The following BBS4 variants were observed in gnomAD, a reference collection of about 807,000 sequenced individuals.
BBS4 encodes the protein BBSome complex member BBS4.
Under a neutral mutation model 71.4 loss-of-function variants are expected in BBS4, and 58 were observed. The observed-to-expected ratio is 0.81, with a 90% confidence interval of 0.66 to 1.01. The LOEUF is 1.01. Ranked by LOEUF, BBS4 falls within the 50% of genes least tolerant of loss-of-function variation. BBS4 has a pLI of 0.00. For synonymous variants in BBS4, 228 were observed against 216.8 expected (o/e 1.05, Z -0.46); for missense variants, 660 against 607.9 (o/e 1.09, Z -0.90).
chr15:72,725,798 C>CCCCCATCCCCCTTCCCCCATCCCCCTTT (rs2065669605), intron 8 of BBS4, among the ~76,000 whole-genome samples: 1 of 27,756 alleles, frequency 3.6e-5, no homozygotes, highest in Non-Finnish European at 6.8e-5. Context: ...CTTCCCTCTT[C>CCCCCATCCCCCTTCCCCCATCCCCCTTT]CCCCATCCCC....
At chr15:72,693,433 G>A (rs1199748033) in intron 1 of BBS4, among the ~76,000 whole-genome samples, 1 of 152,186 alleles carries the variant, frequency 6.6e-6, no homozygotes, top group Non-Finnish European at 1.5e-5. Flanking sequence ...AGAGAATCTA[G>A]ATCAGGTGTT....
intron 2 of BBS4, among the ~76,000 whole-genome samples, chr15:72,707,148 C>A (rs1234596998): frequency 6.6e-6 from 1 of 151,118 alleles, no homozygotes; most frequent in African/African-American, 2.4e-5. Flanking sequence ...CCTCTCTTCC[C>A]CATGCTCTTC....
chr15:72,689,780 TTTTATTTA>T (rs57141334), intron 1 of BBS4, among the ~76,000 whole-genome samples: 23,007 of 147,552 alleles, frequency 0.16, 1,912 homozygotes, highest in African/African-American at 0.17. Context: ...TTATAAATCT[TTTTATTTA>T]TTTATTTATT....
chr15:72,714,220 CT>C (rs58123834), intron 4 of BBS4, among the ~76,000 whole-genome samples: 12,819 of 98,114 alleles, frequency 0.13, 608 homozygotes, highest in African/African-American at 0.24. Flanking sequence ...CACTCACTTA[CT>C]TTTTTTTTTT....
At chr15:72,696,214 A>C (rs921625001) in intron 2 of BBS4, among the ~76,000 whole-genome samples, 1 of 152,058 alleles carries the variant, frequency 6.6e-6, no homozygotes, top group Non-Finnish European at 1.5e-5. Context: ...TGGTAAATTG[A>C]CCCGTTTGTC....
Position 72,737,545 on chromosome 15 carries a change from A to C in BBS4, c.1518A>C (p.Glu506Asp). ...CTCTGGAGCCAGAGCCTGCGGTGGA[A>C]TCAAGTCCAACTGAAACATCAGAAC... The part of the protein sequence containing the change: ...SLPLEPEPAV[E>D]SSPTETSEQI... The change falls in exon 16 of 16, where the codon GAA becomes GAC. Residue 506 changes from glutamate (E) to aspartate (D), a missense_variant. By Grantham distance (45) the Glu-to-Asp change is conservative (BLOSUM62 2). Transcript: ENST00000268057. The C allele has an allele frequency of 2.5e-6, 4 of 1,612,558 alleles. No homozygotes were observed. Among genetic ancestry groups the C allele is most frequent in the Non-Finnish European group, 3.4e-6 (4 of 1,179,396 alleles).
rs1401217681 is a variant in BBS4, at chr15:72,738,221, C to T, written c.*634C>T. ...TTCTTGAGAGGGGTCAGTCTAGAAG[C>T]TAGATCCTATCAGGATGAGGAGCAG... On this transcript the variant is annotated 3_prime_UTR_variant, in exon 16 of 16. Transcript: ENST00000268057. The T allele has an allele frequency of 1.1e-5, 5 of 453,794 alleles. No individual in the cohort carries two copies. The highest frequency in any genetic ancestry group is 9.4e-5 in the Admixed American group (4 of 42,508). 28.1% of individuals were successfully genotyped at this position (453,794 alleles called of 1,614,324 possible). A position where few individuals can be genotyped will look rare whatever the true frequency, so the allele number is the denominator to read the frequency against.
At chr15:72,737,227 A>T in intron 15 of BBS4, 1 of 612,586 alleles carries the variant, frequency 1.6e-6, no homozygotes, top group Admixed American at 2.9e-5. Flanking sequence ...GTTATTAAGT[A>T]TATCCTGTTA....
rs142913453 is a variant in BBS4, at chr15:72,733,273, C to T, written c.1036+1547C>T. On this transcript the variant is annotated intron_variant, in intron 12 of 15. Transcript: ENST00000268057. ...AGTTGGGAGTACAGCCTGGGCAACA[C>T]AGTGAGACTCCATTCCTCTCTCTTT... Among the ~76,000 whole-genome samples the T allele has an allele frequency of 2.2e-3, 342 of 152,222 alleles. 1 individual carries two copies. The highest frequency in any genetic ancestry group is 7.8e-3 in the African/African-American group (326 of 41,532).
rs1226442904 is a variant in BBS4, at chr15:72,735,172, C to A, written c.1096C>A (p.His366Asn). ...NAKRAYAEAV[H>N]LDKCNPLVNL... is the part of the protein sequence containing the mutation. Reference sequence around the variant, plus strand: ...CAAGAGAGCCTACGCAGAAGCAGTCCACCTGGATAAGTATGCACTTTGTTG... The same window carrying A: ...CAAGAGAGCCTACGCAGAAGCAGTCAACCTGGATAAGTATGCACTTTGTTG... The change falls in exon 13 of 16, where the codon CAC becomes AAC. Residue 366 changes from histidine (H) to asparagine (N), a missense_variant. His to Asn is a moderately conservative substitution (Grantham distance 68). Coordinates refer to ENST00000268057, the MANE Select transcript of BBS4 (RefSeq NM_033028.5). 3 of 1,613,250 alleles carry A rather than the reference C, an allele frequency of 1.9e-6. No individual in the cohort carries two copies. Among genetic ancestry groups the A allele is most frequent in the Non-Finnish European group, 2.5e-6 (3 of 1,179,472 alleles).
At chr15:72,704,439 G>A in intron 2 of BBS4, 3 of 1,287,782 alleles carry the variant, frequency 2.3e-6, no homozygotes, top group Non-Finnish European at 3.0e-6. Context: ...GTTGGAGTGA[G>A]CAATGATTTG....
intron 13 of BBS4, 148 bp from the exon 14 acceptor site, chr15:72,735,677 T>A: frequency 1.0e-6 from 1 of 991,848 alleles, no homozygotes; most frequent in Non-Finnish European, 1.6e-6. Flanking sequence ...TCTCCACAGG[T>A]CTGCTTAGCA....
chr15:72,736,904 C>G lies in BBS4; in HGVS notation c.1391C>G (p.Ser464Cys), dbSNP rs1254813173. 1.2e-6 allele frequency: 2 copies of G among 1,614,210 alleles called. No homozygotes were observed. Among genetic ancestry groups the G allele is most frequent in the Non-Finnish European group, 1.7e-6 (2 of 1,180,044 alleles). The part of the protein sequence containing the change: ...KPASFQQPLG[S>C]NQALGQAMSS... ...GCCAGTTTCCAGCAGCCTCTGGGCT[C>G]TAATCAAGCTCTAGGACAGGCAATG... The change falls in exon 15 of 16, where the codon TCT becomes TGT. Residue 464 changes from serine (S) to cysteine (C), a missense_variant. By Grantham distance (112) the Ser-to-Cys change is moderately radical. Transcript: ENST00000268057.
At chr15:72,708,507 G>T (rs538758977) in intron 2 of BBS4, among the ~76,000 whole-genome samples, 1 of 152,214 alleles carries the variant, frequency 6.6e-6, no homozygotes, top group Non-Finnish European at 1.5e-5. Context: ...TGTGTTAACT[G>T]TACAAATTGA....
In BBS4 at chr15:72,738,131, C is replaced by T. The variant is rs1331922171; in HGVS notation, c.*544C>T. On this transcript the variant is annotated 3_prime_UTR_variant, in exon 16 of 16. Transcript: ENST00000268057. Reference sequence around the variant, plus strand: ...AAAAGCCCTGGAAGTTGAGGCCAAGCCTGCTGAGTATTGCAGCTGCATTTG... The same window carrying T: ...AAAAGCCCTGGAAGTTGAGGCCAAGTCTGCTGAGTATTGCAGCTGCATTTG... 2 of 452,276 alleles carry T rather than the reference C, an allele frequency of 4.4e-6. No individual in the cohort carries two copies. Among genetic ancestry groups the T allele is most frequent in the Non-Finnish European group, 8.8e-6 (2 of 226,344 alleles). 28.0% of individuals were successfully genotyped at this position (452,276 alleles called of 1,614,324 possible). A position where few individuals can be genotyped will look rare whatever the true frequency, so the allele number is the denominator to read the frequency against.
chr15:72,737,536 T>C lies in BBS4; in HGVS notation c.1509T>C (p.Pro503=). ...KPPSLPLEPE[P]AVESSPTETS... ...CATCTCTTCCTCTGGAGCCAGAGCC[T>C]GCGGTGGAATCAAGTCCAACTGAAA... is the stretch of plus-strand genomic sequence containing the variant. Residue 503 remains proline, a synonymous_variant, in exon 16 of 16, where the codon CCT becomes CCC. Transcript: ENST00000268057. The C allele has an allele frequency of 1.2e-6, 2 of 1,612,998 alleles. No individual in the cohort carries two copies. The highest frequency in any genetic ancestry group is 2.2e-5 in the South Asian group (2 of 90,640).
rs573379028 is a variant in BBS4 at position 72,718,740 on chromosome 15, TG to T, written c.405+1892del. 1.1e-3 allele frequency among the ~76,000 whole-genome samples: 174 copies of T among 152,290 alleles called. 2 individuals are homozygous for T. Among genetic ancestry groups the T allele is most frequent in the African/African-American group, 3.9e-3 (163 of 41,550 alleles). On this transcript the variant is annotated intron_variant, in intron 6 of 15. Transcript: ENST00000268057. ...GATCTATGCCCTGGAGATGCAAAGA[TG>T]GACTGTTGGATTATAAGATACTCAA... is the stretch of plus-strand genomic sequence containing the variant.
chr15:72,731,065 C>CTTTTTTTTTTTTTTTTTTT lies in BBS4; in HGVS notation c.712-227_712-209dup, dbSNP rs35004414. Among the ~76,000 whole-genome samples, 3 of 77,612 alleles carry CTTTTTTTTTTTTTTTTTTT rather than the reference C, an allele frequency of 3.9e-5. 1 individual carries two copies. The highest frequency in any genetic ancestry group is 4.8e-5 in the Non-Finnish European group (2 of 41,812). The allele number at this position is 77,612 out of a possible 152,430, so 50.9% of individuals were successfully genotyped here. On this transcript the variant is annotated intron_variant, in intron 10 of 15. Coordinates refer to ENST00000268057, the MANE Select transcript of BBS4 (RefSeq NM_033028.5). ...ATGGGTAAAGCAAGTAACATTTTAT[C>CTTTTTTTTTTTTTTTTTTT]TTTTTTTTTTTTTTTTTTTTTTTTT...
chr15:72,704,996 A>G (rs142695558), intron 2 of BBS4, among the ~76,000 whole-genome samples: 1 of 152,360 alleles, frequency 6.6e-6, no homozygotes, highest in African/African-American at 2.4e-5. Flanking sequence ...ACCTCTTTAT[A>G]TATTAGGTAA....
Sources: gnomAD v4.1 joint callset for allele counts (sites outside exome capture counted in the v4.1 genomes callset) on GRCh38, gnomAD v4.1.1 for gene constraint, MANE v1.5 for transcripts, NCBI Gene and HGNC (gene_info 2026-07-23, HGNC 2026-07-21) for gene names.